PIK3C3: variants seen among roughly 807,000 people sequenced by gnomAD.
PIK3C3 encodes the protein PI3-kinase type 3.
PIK3C3 carries 95 observed loss-of-function variants against 126.1 expected under a neutral mutation model. That is an observed-to-expected ratio of 0.75 (90% CI 0.64 to 0.89). The LOEUF (loss-of-function observed/expected upper bound fraction) is 0.89, where lower values mean the gene tolerates loss of function less well. Among genes scored for constraint, PIK3C3 ranks in the 40% least tolerant of loss-of-function variants. The pLI is 0.00. For missense variants in PIK3C3, 829 were observed against 1,063.2 expected, an observed-to-expected ratio of 0.78 and a Z score of 3.06; for synonymous variants, 374 against 360.0, an observed-to-expected ratio of 1.04 and a Z score of -0.44.
At chr18:42,042,765 A>G (rs1048032871) in intron 19 of PIK3C3, among the ~76,000 whole-genome samples, 3 of 152,198 alleles carry the variant, frequency 2.0e-5, no homozygotes, top group African/African-American at 7.2e-5. Flanking sequence ...TTGTTTTTCG[A>G]TAATTAAAAG....
chr18:42,064,260 T>A (rs1391049621), intron 22 of PIK3C3, among the ~76,000 whole-genome samples: 1 of 152,178 alleles, frequency 6.6e-6, no homozygotes, highest in Non-Finnish European at 1.5e-5. Flanking sequence ...GAAATGATGA[T>A]TGGTGTATCT....
intron 19 of PIK3C3, among the ~76,000 whole-genome samples, chr18:42,042,097 T>C (rs1266182290): frequency 6.6e-6 from 1 of 152,206 alleles, no homozygotes; most frequent in Non-Finnish European, 1.5e-5. Flanking sequence ...ACAATCCACT[T>C]TCCTTCTGGG....
At chr18:42,039,055 T>G (rs1312702112) in intron 18 of PIK3C3, among the ~76,000 whole-genome samples, 1 of 152,158 alleles carries the variant, frequency 6.6e-6, no homozygotes, top group Admixed American at 6.6e-5. Flanking sequence ...TACTGGTTAA[T>G]GTAGTTACTG....
intron 10 of PIK3C3, among the ~76,000 whole-genome samples, chr18:42,009,983 C>T (rs1320906205): frequency 6.6e-6 from 1 of 152,148 alleles, no homozygotes; most frequent in Non-Finnish European, 1.5e-5. Context: ...CGAACGTAAA[C>T]TTTGCCACAC....
intron 5 of PIK3C3, among the ~76,000 whole-genome samples, chr18:41,988,360 T>C (rs531420949): frequency 3.9e-5 from 6 of 152,254 alleles, no homozygotes; most frequent in African/African-American, 1.4e-4. Context: ...ATTTAGGTGA[T>C]TTTTTTCTTG....
chr18:42,018,570 G>A (rs1983180064), intron 12 of PIK3C3, among the ~76,000 whole-genome samples: 1 of 152,016 alleles, frequency 6.6e-6, no homozygotes, highest in South Asian at 2.1e-4. Context: ...TAAAACTGGA[G>A]ATAAAATTCT....
chr18:42,079,656 T>C (rs567338242), intron 24 of PIK3C3, among the ~76,000 whole-genome samples: 80 of 152,306 alleles, frequency 5.3e-4, no homozygotes, highest in Non-Finnish European at 9.0e-4. Context: ...GCTGGTATAT[T>C]AGAGACCTTT....
chr18:41,980,667 C>A (rs1368459207), intron 4 of PIK3C3, among the ~76,000 whole-genome samples: 2 of 150,808 alleles, frequency 1.3e-5, no homozygotes, highest in Non-Finnish European at 3.0e-5. Flanking sequence ...AAAAAAAAAA[C>A]AAAAAACAAC....
At position 42,049,715 on chromosome 18, in the gene PIK3C3, C is replaced by T. The variant is rs879163287; in HGVS notation, c.2263+110C>T. ...GCGGCCTGGCGCGGTGGCTCACGCC[C>T]GTAATCCCAGCACTTTGGGAGGCCA... is the stretch of plus-strand genomic sequence containing the variant. On this transcript the variant is annotated intron_variant, in intron 21 of 24. Coordinates refer to ENST00000262039, the MANE Select transcript of PIK3C3 (RefSeq NM_002647.4). 3.4e-5 allele frequency: 28 copies of T among 827,664 alleles called. 1 individual carries two copies. The highest frequency in any genetic ancestry group is 2.7e-4 in the Admixed American group (13 of 48,516). The allele number at this position is 827,664 out of a possible 1,614,324, so 51.3% of individuals were successfully genotyped here. A position where few individuals can be genotyped will look rare whatever the true frequency, so the allele number is the denominator to read the frequency against.
intron 21 of PIK3C3, chr18:42,053,031 T>C (rs1369204609): frequency 6.6e-6 from 1 of 152,176 alleles, no homozygotes; most frequent in Non-Finnish European, 1.5e-5. Context: ...TGAATTTCAA[T>C]CAGACTTCCA....
chr18:41,970,084 CTG>C (rs1230615338), intron 3 of PIK3C3, among the ~76,000 whole-genome samples: 2 of 152,176 alleles, frequency 1.3e-5, no homozygotes, highest in African/African-American at 4.8e-5. Context: ...CTTCCACTCT[CTG>C]TGTAGAATTC....
chr18:41,963,750 T>G (rs1980215415), intron 3 of PIK3C3, among the ~76,000 whole-genome samples: 1 of 152,152 alleles, frequency 6.6e-6, no homozygotes, highest in Non-Finnish European at 1.5e-5. Context: ...GTGTTTATGT[T>G]TCCATGAACT....
chr18:42,043,596 T>C, intron 19 of PIK3C3, 137 bp from the exon 20 acceptor site: 1 of 535,838 alleles, frequency 1.9e-6, no homozygotes, highest in Non-Finnish European at 3.4e-6. Flanking sequence ...ACAATTCTTT[T>C]GTTCAGTCAG....
At chr18:41,967,936 G>C (rs571478347) in intron 3 of PIK3C3, among the ~76,000 whole-genome samples, 49 of 152,114 alleles carry the variant, frequency 3.2e-4, no homozygotes, top group Non-Finnish European at 6.8e-4. Flanking sequence ...CTTCTCTCTC[G>C]CCTGTTTGGC....
Position 41,957,665 on chromosome 18 carries a change from C to G in PIK3C3, c.164C>G (p.Ser55Cys). The change falls in exon 2 of 25, where the codon TCT (serine) becomes TGT (cysteine). Residue 55 changes from serine (S) to cysteine (C), a missense_variant. Coordinates refer to ENST00000262039, the MANE Select transcript of PIK3C3 (RefSeq NM_002647.4). ...TCAGGACTATATCAAGAGACATGCTCTGATCTTTATGTTACTTGTCAAGTT... is the reference window on the plus strand; with the variant it reads ...TCAGGACTATATCAAGAGACATGCTGTGATCTTTATGTTACTTGTCAAGTT... ...KFSGLYQETC[S>C]DLYVTCQVFA... The G allele has an allele frequency of 6.2e-7, 1 of 1,613,962 alleles. No homozygotes were observed. Among genetic ancestry groups the G allele is most frequent in the Non-Finnish European group, 8.5e-7 (1 of 1,179,912 alleles).
intron 16 of PIK3C3, among the ~76,000 whole-genome samples, chr18:42,036,637 T>C (rs1216217251): frequency 2.0e-5 from 3 of 150,740 alleles, no homozygotes; most frequent in Non-Finnish European, 4.4e-5. Flanking sequence ...ATTTCTTTAT[T>C]TTTTTTTTGT....
chr18:42,002,882 A>T (rs567321383), intron 9 of PIK3C3, among the ~76,000 whole-genome samples: 20 of 152,350 alleles, frequency 1.3e-4, no homozygotes, highest in African/African-American at 4.8e-4. Context: ...AATAATTGAA[A>T]GGAACTGGAA....
chr18:42,056,063 C>T (rs1463946078), intron 21 of PIK3C3, among the ~76,000 whole-genome samples: 1 of 152,008 alleles, frequency 6.6e-6, no homozygotes, highest in Admixed American at 6.6e-5. Context: ...AGATCATACT[C>T]TCTGAACTTC....
At chr18:41,995,739 T>G in intron 7 of PIK3C3, 151 bp from the exon 8 acceptor site, 1 of 620,192 alleles carries the variant, frequency 1.6e-6, no homozygotes, top group Non-Finnish European at 2.9e-6. Context: ...GGATACATAT[T>G]TTTAAGATAT....
Sources: allele counts gnomAD v4.1 joint callset (sites outside exome capture counted in the v4.1 genomes callset), GRCh38; gene constraint gnomAD v4.1.1; transcripts MANE v1.5; gene names NCBI Gene and HGNC (gene_info 2026-07-23, HGNC 2026-07-21).